Variants in DPP10 observed in about 807,000 individuals in gnomAD.
DPP10 encodes the protein dipeptidyl peptidase like 10.
A neutral mutation model predicts 120.9 loss-of-function variants in DPP10; 33 were observed. That is an observed-to-expected ratio of 0.27 (90% confidence interval 0.21 to 0.37). DPP10 has a LOEUF of 0.37. DPP10 is among the 10% of genes least tolerant of loss of function. The pLI is 1.00. For synonymous variants in DPP10, 337 were observed against 326.1 expected (o/e 1.03, Z -0.36); for missense variants, 816 against 942.8 (o/e 0.87, Z 1.76).
intron 1 of DPP10, among the ~76,000 whole-genome samples, chr2:114,747,792 T>C (rs534701583): frequency 5.3e-5 from 8 of 152,240 alleles, no homozygotes; most frequent in Non-Finnish European, 8.8e-5. Context: ...CTAAAAATAC[T>C]TATTTGAACT....
chr2:114,907,936 C>T (rs1349875584), intron 1 of DPP10, among the ~76,000 whole-genome samples: 1 of 151,846 alleles, frequency 6.6e-6, no homozygotes, highest in Non-Finnish European at 1.5e-5. Flanking sequence ...GTTGAAGTGT[C>T]TCTCTCTTTT....
At position 115,753,155 on chromosome 2, in the gene DPP10, A is replaced by G. The variant is rs773176648; in HGVS notation, c.951-19A>G. 3.1e-6 allele frequency: 5 copies of G among 1,605,020 alleles called. No homozygotes were observed. In the South Asian group the frequency reaches 5.6e-5, roughly 18 times the overall value. ...TGCTCTGGCTCTAAACATACATTTT[A>G]ATTTTGTTTCCAAACTAGAGAATAC... On this transcript the variant is annotated intron_variant, in intron 10 of 25. Transcript: ENST00000410059.
intron 1 of DPP10, among the ~76,000 whole-genome samples, chr2:115,222,228 A>G (rs1401080144): frequency 6.6e-6 from 1 of 152,166 alleles, no homozygotes; most frequent in East Asian, 1.9e-4. Flanking sequence ...AGGTACTAAA[A>G]TAGGGAGAAA....
chr2:115,283,797 A>G (rs1391927665), intron 1 of DPP10, among the ~76,000 whole-genome samples: 1 of 152,046 alleles, frequency 6.6e-6, no homozygotes, highest in Non-Finnish European at 1.5e-5. Context: ...AGATTTTATT[A>G]CCATACTTTT....
intron 1 of DPP10, among the ~76,000 whole-genome samples, chr2:114,479,417 A>AAT (rs1194230311): frequency 6.6e-6 from 1 of 152,006 alleles, no homozygotes; most frequent in Non-Finnish European, 1.5e-5. Context: ...AAATGAAAAA[A>AAT]AAACAGAACT....
At chr2:114,669,369 A>G (rs1558986724) in intron 1 of DPP10, among the ~76,000 whole-genome samples, 1 of 152,178 alleles carries the variant, frequency 6.6e-6, no homozygotes, top group Non-Finnish European at 1.5e-5. Flanking sequence ...AGCCTACAGT[A>G]GTCAGTGTAC....
intron 5 of DPP10, among the ~76,000 whole-genome samples, chr2:115,543,140 C>G (rs191216033): frequency 1.3e-5 from 2 of 152,038 alleles, no homozygotes; most frequent in Admixed American, 1.3e-4. Context: ...GAGATAGCAC[C>G]TCGTATGAAT....
intron 5 of DPP10, among the ~76,000 whole-genome samples, chr2:115,668,268 TGGA>T (rs1024185721): frequency 3.3e-5 from 5 of 149,932 alleles, no homozygotes; most frequent in African/African-American, 1.2e-4. Flanking sequence ...TTTAACAGTG[TGGA>T]GAAGTGGGAC....
chr2:115,480,079 G>GTGGA (rs1189073161), intron 3 of DPP10, among the ~76,000 whole-genome samples: 1 of 152,082 alleles, frequency 6.6e-6, no homozygotes, highest in African/African-American at 2.4e-5. Context: ...CTATAAGGGG[G>GTGGA]TGGAGATCAA....
intron 1 of DPP10, among the ~76,000 whole-genome samples, chr2:114,714,703 T>C (rs1333894262): frequency 1.3e-5 from 2 of 152,154 alleles, no homozygotes; most frequent in Non-Finnish European, 2.9e-5. Flanking sequence ...TGGGTTTCTT[T>C]GAGACCTAGA....
Position 115,402,087 on chromosome 2 carries a change from C to T in DPP10, c.271+58175C>T, listed in dbSNP as rs554754357. ...CTAAGACTTCCCTTGGACCCTTGGACTTCAGGACAAAGAAAAATGGAAATC... is the reference window on the plus strand; with the variant it reads ...CTAAGACTTCCCTTGGACCCTTGGATTTCAGGACAAAGAAAAATGGAAATC... On this transcript the variant is annotated intron_variant, in intron 3 of 25. Transcript: ENST00000410059. 2.2e-4 allele frequency among the ~76,000 whole-genome samples: 34 copies of T among 152,250 alleles called. No individual in the cohort carries two copies. In the South Asian group the frequency reaches 6.0e-3, roughly 27 times the overall value.
At chr2:114,849,947 C>T (rs149017972) in intron 1 of DPP10, among the ~76,000 whole-genome samples, 1 of 151,724 alleles carries the variant, frequency 6.6e-6, no homozygotes, top group East Asian at 1.9e-4. Context: ...TCTCTCCTTT[C>T]CTTTCCTTTC....
chr2:115,556,808 A>G (rs899155626), intron 5 of DPP10, among the ~76,000 whole-genome samples: 1 of 152,134 alleles, frequency 6.6e-6, no homozygotes. Context: ...CTATCTGAAA[A>G]CGGCCAAAAA....
At chr2:115,305,534 A>G (rs2061326363) in intron 1 of DPP10, among the ~76,000 whole-genome samples, 2 of 151,902 alleles carry the variant, frequency 1.3e-5, no homozygotes, top group African/African-American at 4.8e-5. Flanking sequence ...GGAGTTTGAG[A>G]TCAGCCTGGG....
chr2:114,709,509 G>A (rs114595604), intron 1 of DPP10, among the ~76,000 whole-genome samples: 1,535 of 152,290 alleles, frequency 0.01, 21 homozygotes, highest in African/African-American at 0.035. Context: ...TAAGGTAGAA[G>A]TAGATAGGTG....
chr2:114,448,457 G>A (rs991649308), intron 1 of DPP10, among the ~76,000 whole-genome samples: 5 of 152,140 alleles, frequency 3.3e-5, no homozygotes, highest in Non-Finnish European at 7.4e-5. Context: ...AAGCATGGAC[G>A]TAGTAAGCTA....
At chr2:115,498,484 T>C (rs2076518198) in intron 3 of DPP10, among the ~76,000 whole-genome samples, 1 of 152,018 alleles carries the variant, frequency 6.6e-6, no homozygotes, top group African/African-American at 2.4e-5. Flanking sequence ...TTCTGAGAGA[T>C]TGTAACTTAT....
chr2:115,836,366 G>T (rs1449038001), intron 22 of DPP10, 110 bp downstream of exon 22: 1 of 1,362,330 alleles, frequency 7.3e-7, no homozygotes, highest in Non-Finnish European at 1.0e-6. Context: ...ATTAGAGCCT[G>T]TTTTCAGCTG....
chr2:115,443,069 G>C (rs566659869), intron 3 of DPP10, among the ~76,000 whole-genome samples: 1 of 152,186 alleles, frequency 6.6e-6, no homozygotes, highest in South Asian at 2.1e-4. Flanking sequence ...TAATAAAAAG[G>C]CTTTTAAAAA....
Sources: allele counts gnomAD v4.1 joint callset (sites outside exome capture counted in the v4.1 genomes callset), GRCh38; gene constraint gnomAD v4.1.1; transcripts MANE v1.5; gene names NCBI Gene and HGNC (gene_info 2026-07-23, HGNC 2026-07-21).